INTS7: variants seen among roughly 807,000 people sequenced by gnomAD.
The protein encoded by INTS7 is chromosome 1 open reading frame 73.
INTS7 carries 46 observed loss-of-function variants against 109.2 expected under a neutral mutation model. That is an observed-to-expected ratio of 0.42 (90% CI 0.33 to 0.54). The LOEUF (loss-of-function observed/expected upper bound fraction) is 0.54, where lower values mean the gene tolerates loss of function less well. INTS7 is among the 20% of genes least tolerant of loss of function. INTS7 has a pLI of 0.07. For missense variants in INTS7, 929 were observed against 1,132.4 expected, an observed-to-expected ratio of 0.82 and a Z score of 2.58; for synonymous variants, 412 against 402.9, an observed-to-expected ratio of 1.02 and a Z score of -0.27.
At chr1:211,970,866 T>C (rs1050993892) in intron 13 of INTS7, among the ~76,000 whole-genome samples, 1 of 152,246 alleles carries the variant, frequency 6.6e-6, no homozygotes, top group African/African-American at 2.4e-5. Context: ...AATTTAAAGA[T>C]GCACATAACC....
chr1:211,978,627 A>T, intron 10 of INTS7, 116 bp from the exon 11 acceptor site: 1 of 1,081,758 alleles, frequency 9.2e-7, no homozygotes. Flanking sequence ...TCTTGTAGGC[A>T]TAACATTTTA....
At chr1:211,948,212 T>G (rs923357955) in intron 17 of INTS7, among the ~76,000 whole-genome samples, 1 of 152,240 alleles carries the variant, frequency 6.6e-6, no homozygotes, top group Admixed American at 6.5e-5. Flanking sequence ...AAAAATCCAT[T>G]CCTTATTGGG....
chr1:211,978,526 G>T lies in INTS7; in HGVS notation c.1231-15C>A. 1 of 1,613,526 alleles carries T rather than the reference G, an allele frequency of 6.2e-7. No homozygotes were observed. Among genetic ancestry groups the T allele is most frequent in the South Asian group, 1.1e-5 (1 of 91,026 alleles). On this transcript the variant is annotated splice_polypyrimidine_tract_variant and intron_variant, in intron 10 of 19. Transcript: ENST00000366994. ...TTTAGAGCAATCTGCACGCCAAAAA[G>T]AAAATGAACTAGTTACATTTTGAAG... is the stretch of plus-strand genomic sequence containing the variant.
At chr1:211,997,841 T>A (rs924005723) in intron 7 of INTS7, among the ~76,000 whole-genome samples, 3 of 149,204 alleles carry the variant, frequency 2.0e-5, no homozygotes, top group Admixed American at 6.8e-5. Flanking sequence ...ATCACACCAC[T>A]GCACTCCAGC....
At position 211,946,612 on chromosome 1, in the gene INTS7, T is replaced by G. The variant is rs1329756771; in HGVS notation, c.2410A>C (p.Ile804Leu). Residue 804 changes from isoleucine to leucine, a missense_variant, in exon 18 of 20, where the codon ATC becomes CTC. Ile to Leu is a conservative substitution (Grantham distance 5). This residue lies in a region of INTS7 where 787 missense variants were observed against 901.1 expected (regional missense o/e 0.87). Transcript: ENST00000366994. This position sits in a 1 kb window ranked among gnomAD's most constrained non-coding sequence, Gnocchi z 4.3. ...YFFQKLQSTS[I>L]KLALSPSPRN... ...TAGTATTCTTCCTGTATTACCTTGA[T>G]GCTGGTAGACTGTAGTTTCTGGAAA... 3 of 1,589,974 alleles carry G rather than the reference T, an allele frequency of 1.9e-6. No homozygotes were observed. The highest frequency in any genetic ancestry group is 2.6e-6 in the Non-Finnish European group (3 of 1,158,228).
chr1:212,021,889 C>G (rs114585649), intron 1 of INTS7, among the ~76,000 whole-genome samples: 3,066 of 151,804 alleles, frequency 0.02, 31 homozygotes, highest in African/African-American at 0.026. Flanking sequence ...TAACCCACAG[C>G]TGAAAGAAGA....
intron 15 of INTS7, among the ~76,000 whole-genome samples, chr1:211,967,642 T>A (rs1301075108): frequency 6.6e-6 from 1 of 152,134 alleles, no homozygotes; most frequent in Non-Finnish European, 1.5e-5. Context: ...TGGATGTTGC[T>A]TTGGATGCTC....
intron 5 of INTS7, 67 bp downstream of exon 5, chr1:212,011,308 A>T: frequency 1.2e-6 from 1 of 804,704 alleles, no homozygotes; most frequent in South Asian, 1.6e-5. Flanking sequence ...ATAAGTACTT[A>T]ATTAGTGTTA....
In INTS7 at chr1:211,968,527, G is replaced by C. The variant is rs778955780; in HGVS notation, c.1996C>G (p.Arg666Gly). 2 of 1,612,666 alleles carry C rather than the reference G, an allele frequency of 1.2e-6. No homozygotes were observed. Among genetic ancestry groups the C allele is most frequent in the African/African-American group, 1.3e-5 (1 of 74,840 alleles). ...TLGNDLQRCG[R>G]ISNQMKQSME... is the part of the protein sequence containing the mutation. Reference sequence around the variant, plus strand: ...TTAAGACATGCCTGATTGGAGATGCGACCACACCTCTGGAGGTCATTTCCT... The same window carrying C: ...TTAAGACATGCCTGATTGGAGATGCCACCACACCTCTGGAGGTCATTTCCT... Residue 666 changes from arginine (R) to glycine (G), a missense_variant, in exon 14 of 20, where the codon CGC (arginine) becomes GGC (glycine). Physicochemically the swap from Arg to Gly is moderately radical, Grantham distance 125 (BLOSUM62 -2). This residue lies in a region of INTS7 where 787 missense variants were observed against 901.1 expected (regional missense o/e 0.87). Transcript: ENST00000366994.
At position 211,968,001 on chromosome 1, in the gene INTS7, A is replaced by C; in HGVS notation, c.2011-20T>G. The C allele has an allele frequency of 1.5e-6, 2 of 1,346,644 alleles. No individual in the cohort carries two copies. Among genetic ancestry groups the C allele is most frequent in the Non-Finnish European group, 2.1e-6 (2 of 965,634 alleles). The allele number at this position is 1,346,644 out of a possible 1,614,324, so 83.4% of individuals were successfully genotyped here. A position where few individuals can be genotyped will look rare whatever the true frequency, so the allele number is the denominator to read the frequency against. ...TTTCATCTATAAAAAAAAATCAATT[A>C]TGACAAACAAACATGCTATCATTAT... is the stretch of plus-strand genomic sequence containing the variant. On this transcript the variant is annotated intron_variant, in intron 14 of 19. Coordinates refer to ENST00000366994, the MANE Select transcript of INTS7 (RefSeq NM_015434.4).
chr1:211,951,672 A>T lies in INTS7; in HGVS notation c.2316+897T>A, dbSNP rs145125771. ...CTCGATCTCTCCCTACCATGTGAAG[A>T]TGTAATAAGAAGGTGGCTGTCACCA... On this transcript the variant is annotated intron_variant, in intron 17 of 19. Transcript: ENST00000366994. Among the ~76,000 whole-genome samples the T allele has an allele frequency of 4.6e-5, 7 of 152,306 alleles. No individual in the cohort carries two copies. The East Asian group carries it at 9.6e-4, about 21-fold the overall frequency.
chr1:211,954,957 G>T (rs1008391881), intron 16 of INTS7, among the ~76,000 whole-genome samples: 1 of 152,122 alleles, frequency 6.6e-6, no homozygotes, highest in African/African-American at 2.4e-5. Flanking sequence ...GCTTGATGGG[G>T]ATGGCATTGA....
intron 3 of INTS7, among the ~76,000 whole-genome samples, chr1:212,018,188 C>T (rs1558056489): frequency 6.6e-6 from 1 of 152,062 alleles, no homozygotes; most frequent in Non-Finnish European, 1.5e-5. Flanking sequence ...ATTCTTGGCT[C>T]AATTTTCCTT....
intron 15 of INTS7, among the ~76,000 whole-genome samples, chr1:211,967,078 T>G (rs1353012937): frequency 6.6e-6 from 1 of 152,186 alleles, no homozygotes; most frequent in African/African-American, 2.4e-5. Flanking sequence ...TGGAAAGTCC[T>G]ACAACTTAAA....
At chr1:212,031,922 T>C (rs1667184090) in intron 1 of INTS7, among the ~76,000 whole-genome samples, 2 of 152,202 alleles carry the variant, frequency 1.3e-5, no homozygotes, top group Non-Finnish European at 1.5e-5. Flanking sequence ...CCTGAGTGTG[T>C]TTCTAAGGAC....
intron 7 of INTS7, among the ~76,000 whole-genome samples, chr1:211,996,801 G>A (rs1477796904): frequency 6.6e-6 from 1 of 152,138 alleles, no homozygotes; most frequent in Middle Eastern, 3.2e-3. Flanking sequence ...CAGGCAGGCA[G>A]ACTGCTTGAG....
intron 17 of INTS7, among the ~76,000 whole-genome samples, chr1:211,950,827 T>C (rs1663052698): frequency 6.6e-6 from 1 of 152,234 alleles, no homozygotes; most frequent in African/African-American, 2.4e-5. Context: ...CATTCCGTTA[T>C]ATTCAATTCC....
At chr1:211,957,440 G>A (rs1663420600) in intron 16 of INTS7, among the ~76,000 whole-genome samples, 1 of 152,100 alleles carries the variant, frequency 6.6e-6, no homozygotes. Context: ...CAGCTACTCG[G>A]GAGGCTGAGG....
At chr1:212,001,408 T>C (rs1665666231) in intron 7 of INTS7, among the ~76,000 whole-genome samples, 1 of 152,116 alleles carries the variant, frequency 6.6e-6, no homozygotes, top group Non-Finnish European at 1.5e-5. Context: ...GGGTTCCGCA[T>C]CCACTGATTC....
Sources: gnomAD v4.1 joint callset for allele counts (sites outside exome capture counted in the v4.1 genomes callset) on GRCh38, gnomAD v4.1.1 for gene constraint, gnomAD v4.1.1 regional missense constraint, Gnocchi (gnomAD v3.1) non-coding constraint, MANE v1.5 for transcripts, NCBI Gene and HGNC (gene_info 2026-07-23, HGNC 2026-07-21) for gene names.